The following SGCZ variants were observed in gnomAD, a reference collection of about 807,000 sequenced individuals.
SGCZ encodes sarcoglycan zeta.
Under a neutral mutation model 41.3 loss-of-function variants are expected in SGCZ, and 40 were observed. That is an observed-to-expected ratio of 0.97 (90% CI 0.75 to 1.26). SGCZ has a LOEUF of 1.26. Among genes scored for constraint, SGCZ ranks in the 50% most tolerant of loss-of-function variants. The probability of loss-of-function intolerance (pLI) is 0.00; values close to 1 mark genes in which losing one functional copy is unlikely to be tolerated. For synonymous variants in SGCZ, 206 were observed against 137.5 expected (o/e 1.50, Z -3.49); for missense variants, 552 against 369.8 (o/e 1.49, Z -4.04).
chr8:14,818,964 A>T (rs1801987495), intron 1 of SGCZ, among the ~76,000 whole-genome samples: 1 of 152,234 alleles, frequency 6.6e-6, no homozygotes, highest in African/African-American at 2.4e-5. Flanking sequence ...AAGAGATAGA[A>T]AAAAGAACAG....
chr8:14,973,203 A>T (rs1801356232), intron 1 of SGCZ, among the ~76,000 whole-genome samples: 1 of 152,132 alleles, frequency 6.6e-6, no homozygotes. Flanking sequence ...ACAGCACTGG[A>T]ATATCTTTCT....
At chr8:15,011,867 C>T (rs1478743965) in intron 1 of SGCZ, among the ~76,000 whole-genome samples, 2 of 152,128 alleles carry the variant, frequency 1.3e-5, no homozygotes, top group East Asian at 3.8e-4. Context: ...ACAAAATTAT[C>T]GGTGCATTTG....
intron 1 of SGCZ, among the ~76,000 whole-genome samples, chr8:14,993,700 G>A (rs1336568433): frequency 6.6e-6 from 1 of 152,164 alleles, no homozygotes; most frequent in Non-Finnish European, 1.5e-5. Context: ...AGAGATTGTG[G>A]ATGGCAAGTT....
At chr8:15,093,356 T>G (rs1161946726) in intron 1 of SGCZ, among the ~76,000 whole-genome samples, 1 of 152,216 alleles carries the variant, frequency 6.6e-6, no homozygotes, top group Non-Finnish European at 1.5e-5. Context: ...CAGTACTATC[T>G]TGACACTCAA....
chr8:14,460,707 A>G (rs370953074), intron 2 of SGCZ, among the ~76,000 whole-genome samples: 5 of 152,196 alleles, frequency 3.3e-5, no homozygotes, highest in African/African-American at 1.2e-4. Context: ...TGTGTATTAG[A>G]TCAAGAAAGA....
At chr8:14,496,403 A>G (rs1010690231) in intron 2 of SGCZ, among the ~76,000 whole-genome samples, 2 of 152,170 alleles carry the variant, frequency 1.3e-5, no homozygotes, top group Non-Finnish European at 2.9e-5. Context: ...TCTGCTGGAA[A>G]AAGGAGTACA....
chr8:14,732,320 G>C (rs374489921), intron 1 of SGCZ, among the ~76,000 whole-genome samples: 1 of 152,144 alleles, frequency 6.6e-6, no homozygotes, highest in South Asian at 2.1e-4. Context: ...GTAATATCTG[G>C]GTGTGGACTC....
At chr8:14,936,483 C>T (rs149936595) in intron 1 of SGCZ, among the ~76,000 whole-genome samples, 4,267 of 151,908 alleles carry the variant, frequency 0.028, 102 homozygotes, top group Non-Finnish European at 0.046. Context: ...TGGGTGTATA[C>T]ATACTCAGAG....
intron 7 of SGCZ, among the ~76,000 whole-genome samples, chr8:14,091,811 T>C (rs1280799100): frequency 6.6e-6 from 1 of 152,200 alleles, no homozygotes; most frequent in East Asian, 1.9e-4. Flanking sequence ...TTTCTTTTGC[T>C]GGGCAGAAGC....
At chr8:14,709,171 A>G (rs1265238584) in intron 1 of SGCZ, among the ~76,000 whole-genome samples, 2 of 152,206 alleles carry the variant, frequency 1.3e-5, no homozygotes, top group Non-Finnish European at 2.9e-5. Flanking sequence ...ATCTTACTAA[A>G]AAGCATTGAG....
At chr8:14,615,619 C>G (rs538631257) in intron 1 of SGCZ, among the ~76,000 whole-genome samples, 2 of 152,086 alleles carry the variant, frequency 1.3e-5, no homozygotes, top group Admixed American at 1.3e-4. Context: ...AACATCACCC[C>G]GGAAGAACCC....
In SGCZ at chr8:15,237,938, A is replaced by T; in HGVS notation, c.-315T>A. Reference sequence around the variant, plus strand: ...GAAAAAAAAATCCACTCTATTTAAGATTATTTCTTCTTCTGCAATAAGCTT... The same window carrying T: ...GAAAAAAAAATCCACTCTATTTAAGTTTATTTCTTCTTCTGCAATAAGCTT... On this transcript the variant is annotated 5_prime_UTR_variant, in exon 1 of 8. Coordinates refer to ENST00000382080, the MANE Select transcript of SGCZ (RefSeq NM_139167.4). 3.4e-6 allele frequency: 1 copy of T among 294,572 alleles called. No individual in the cohort carries two copies. The allele number at this position is 294,572 out of a possible 1,614,324, so 18.2% of individuals were successfully genotyped here. A position where few individuals can be genotyped will look rare whatever the true frequency, so the allele number is the denominator to read the frequency against.
chr8:14,090,621 T>C lies in SGCZ; in HGVS notation c.761A>G (p.Glu254Gly). The change falls in exon 8 of 8, where the codon GAG becomes GGG. Residue 254 changes from glutamate to glycine, a missense_variant. Physicochemically the swap from Glu to Gly is moderately conservative, Grantham distance 98. Transcript: ENST00000382080. Reference protein sequence around the residue: ...STEGEIFLNAETIKLGNLPTG... With the variant: ...STEGEIFLNAGTIKLGNLPTG... ...TGGTAGATTTCCCAGCTTGATTGTC[T>C]CTGCATTTAAAAATATCTATGGGAA... 1 of 1,609,226 alleles carries C rather than the reference T, an allele frequency of 6.2e-7. No homozygotes were observed. Among genetic ancestry groups the C allele is most frequent in the Non-Finnish European group, 8.5e-7 (1 of 1,178,572 alleles).
At chr8:14,936,722 C>G (rs10105257) in intron 1 of SGCZ, among the ~76,000 whole-genome samples, 103 of 152,002 alleles carry the variant, frequency 6.8e-4, no homozygotes, top group African/African-American at 2.5e-3. Flanking sequence ...TACCACATTA[C>G]TTGGCTTTAA....
chr8:15,204,336 A>G (rs1373894217), intron 1 of SGCZ, among the ~76,000 whole-genome samples: 2 of 152,226 alleles, frequency 1.3e-5, no homozygotes, highest in African/African-American at 4.8e-5. Context: ...TTATTTTGAC[A>G]ACCGTGTGTA....
At chr8:14,993,143 ACCTTCTTCTATCT>A (rs1471955553) in intron 1 of SGCZ, among the ~76,000 whole-genome samples, 58 of 152,208 alleles carry the variant, frequency 3.8e-4, no homozygotes, top group African/African-American at 1.4e-3. Flanking sequence ...TCTTGAATCC[ACCTTCTTCTATCT>A]CCTGTCTTCC....
chr8:14,583,750 G>A (rs1171738027), intron 1 of SGCZ, among the ~76,000 whole-genome samples: 2 of 151,914 alleles, frequency 1.3e-5, no homozygotes, highest in Admixed American at 6.6e-5. Flanking sequence ...GAGTAAAAAT[G>A]TCTATTATTT....
At chr8:14,413,713 T>C (rs1231517980) in intron 2 of SGCZ, among the ~76,000 whole-genome samples, 1 of 152,012 alleles carries the variant, frequency 6.6e-6, no homozygotes, top group Admixed American at 6.6e-5. Context: ...AGCACTAAAA[T>C]TGCATCTTCT....
chr8:14,566,802 A>G (rs1283418270), intron 1 of SGCZ, among the ~76,000 whole-genome samples: 1 of 152,144 alleles, frequency 6.6e-6, no homozygotes, highest in Non-Finnish European at 1.5e-5. Flanking sequence ...TGGCTCCCTC[A>G]GCTTGCGGGG....
Sources: allele counts gnomAD v4.1 joint callset (sites outside exome capture counted in the v4.1 genomes callset), GRCh38; gene constraint gnomAD v4.1.1; transcripts MANE v1.5; gene names NCBI Gene and HGNC (gene_info 2026-07-23, HGNC 2026-07-21).